Variants in WFDC1 observed in about 807,000 individuals in gnomAD.
WFDC1 encodes the protein WAP four-disulfide core domain protein 1.
A neutral mutation model predicts 32.9 loss-of-function variants in WFDC1; 39 were observed. The observed-to-expected ratio is 1.19, with a 90% confidence interval of 0.92 to 1.55. The LOEUF is 1.55. Among genes scored for constraint, WFDC1 ranks in the 40% most tolerant of loss-of-function variants. The pLI is 0.00. For synonymous variants in WFDC1, 184 were observed against 137.4 expected (o/e 1.34, Z -2.37); for missense variants, 386 against 309.5 (o/e 1.25, Z -1.85).
intron 1 of WFDC1, among the ~76,000 whole-genome samples, chr16:84,301,981 A>G (rs775639225): frequency 2.6e-4 from 39 of 152,190 alleles, no homozygotes; most frequent in Non-Finnish European, 5.0e-4. Flanking sequence ...GCAGAGGCAG[A>G]TGGATGCCCA....
chr16:84,325,131 C>A (rs1438304379), intron 5 of WFDC1, among the ~76,000 whole-genome samples: 10 of 152,130 alleles, frequency 6.6e-5, no homozygotes, highest in African/African-American at 2.4e-4. Context: ...ACCTATTCAC[C>A]AATCATCCAT....
intron 5 of WFDC1, among the ~76,000 whole-genome samples, chr16:84,325,093 CTCCA>C (rs1369778296): frequency 6.6e-6 from 1 of 151,802 alleles, no homozygotes; most frequent in Admixed American, 6.6e-5. Flanking sequence ...TCCTTCATCC[CTCCA>C]TCCATCCATC....
intron 4 of WFDC1, among the ~76,000 whole-genome samples, chr16:84,322,097 C>T (rs1454989392): frequency 6.6e-6 from 1 of 151,608 alleles, no homozygotes; most frequent in East Asian, 1.9e-4. Flanking sequence ...CCAAAAGATG[C>T]AGAGCTGGAA....
At position 84,295,047 on chromosome 16, in the gene WFDC1, C is replaced by T. The variant is rs779195118; in HGVS notation, c.76C>T (p.Leu26Phe). ...IRALCLLLLL[L>F]HAGSAKNIWK... ...GGCTCTGTGCCTCTTGCTACTTCTC[C>T]TCCACGCCGGCTCTGCCAAGAATAT... The change falls in exon 1 of 7, where the codon CTC becomes TTC. Residue 26 changes from leucine (L) to phenylalanine (F), a missense_variant. Transcript: ENST00000219454. 12 of 1,614,226 alleles carry T rather than the reference C, an allele frequency of 7.4e-6. 1 individual carries two copies. The South Asian group carries it at 8.8e-5, about 12-fold the overall frequency.
In WFDC1 at chr16:84,313,173, G is replaced by C; in HGVS notation, c.337+20G>C. On this transcript the variant is annotated intron_variant, in intron 2 of 6. Coordinates refer to ENST00000219454, the MANE Select transcript of WFDC1 (RefSeq NM_021197.4). ...CGCCAGGTAGGTCCTGGGCCCGAGG[G>C]AGGGGGCTGAGGGAGGAGGACAGGT... 2 of 1,400,740 alleles carry C rather than the reference G, an allele frequency of 1.4e-6. No individual in the cohort carries two copies. Among genetic ancestry groups the C allele is most frequent in the Non-Finnish European group, 1.8e-6 (2 of 1,085,190 alleles). The allele number at this position is 1,400,740 out of a possible 1,614,324, so 86.8% of individuals were successfully genotyped here.
chr16:84,328,587 GGAA>G (rs1333316980), intron 6 of WFDC1: 1 of 152,318 alleles, frequency 6.6e-6, no homozygotes, highest in Non-Finnish European at 1.5e-5. Context: ...CTTCTAACAG[GGAA>G]GAAGGAGGCC....
intron 1 of WFDC1, among the ~76,000 whole-genome samples, chr16:84,312,048 C>G (rs1056770159): frequency 3.3e-5 from 5 of 151,902 alleles, no homozygotes; most frequent in African/African-American, 1.2e-4. Flanking sequence ...GCCTCTAATC[C>G]CAGCTACTCG....
At chr16:84,327,094 C>T in intron 6 of WFDC1, 139 bp downstream of exon 6, 1 of 788,242 alleles carries the variant, frequency 1.3e-6, no homozygotes, top group South Asian at 1.6e-5. Flanking sequence ...TTCCCTTCTG[C>T]AGTAAGTCCT....
rs1291555542 is a variant in WFDC1, at chr16:84,319,519, G to A, written c.510G>A (p.Val170=). The A allele has an allele frequency of 1.2e-6, 2 of 1,613,050 alleles. No homozygotes were observed. The highest frequency in any genetic ancestry group is 2.2e-5 in the South Asian group (2 of 91,076). Residue 170 remains valine, a synonymous_variant, in exon 4 of 7, where the codon GTG becomes GTA. Coordinates refer to ENST00000219454, the MANE Select transcript of WFDC1 (RefSeq NM_021197.4). The stretch of plus-strand genomic sequence containing the variant: ...GCCACATCCTGAGCCCAGGTGACGT[G>A]GCCGAAGGTATCCCCAACCGTGGGC... ...YECHILSPGD[V]AEGIPNRGQC...
intron 2 of WFDC1, among the ~76,000 whole-genome samples, chr16:84,313,792 G>C (rs972516323): frequency 6.6e-6 from 1 of 152,196 alleles, no homozygotes; most frequent in South Asian, 2.1e-4. Context: ...TCACTTTCTT[G>C]AGTCTCCTCT....
At chr16:84,324,223 G>A (rs1355883572) in intron 4 of WFDC1, among the ~76,000 whole-genome samples, 196 bp from the exon 5 acceptor site, 1 of 152,182 alleles carries the variant, frequency 6.6e-6, no homozygotes, top group East Asian at 1.9e-4. Flanking sequence ...TTTATGGGTT[G>A]ATGGCTCTGG....
chr16:84,327,073 A>G, intron 6 of WFDC1, 118 bp downstream of exon 6: 2 of 963,144 alleles, frequency 2.1e-6, no homozygotes, highest in South Asian at 2.9e-5. Flanking sequence ...CCCTACTGGT[A>G]GAATTTGAAA....
chr16:84,323,324 C>T (rs1000943226), intron 4 of WFDC1, among the ~76,000 whole-genome samples: 1 of 152,186 alleles, frequency 6.6e-6, no homozygotes, highest in African/African-American at 2.4e-5. Flanking sequence ...CTTGATTAAC[C>T]TTATAGCAGA....
intron 1 of WFDC1, among the ~76,000 whole-genome samples, chr16:84,302,639 T>A (rs1051857167): frequency 3.3e-5 from 5 of 152,196 alleles, no homozygotes; most frequent in African/African-American, 1.2e-4. Flanking sequence ...TTCTTAGCAT[T>A]TAGCTCTGTT....
chr16:84,328,843 T>C (rs1908755681), intron 6 of WFDC1: 1 of 152,040 alleles, frequency 6.6e-6, no homozygotes, highest in Non-Finnish European at 1.5e-5. Flanking sequence ...TCCCAGCTAC[T>C]TGGGAGGCTG....
intron 2 of WFDC1, among the ~76,000 whole-genome samples, chr16:84,314,274 G>A (rs890342163): frequency 1.3e-4 from 20 of 152,250 alleles, no homozygotes; most frequent in African/African-American, 4.8e-4. Context: ...TGACCCCGTC[G>A]GGGACAGTAA....
intron 1 of WFDC1, among the ~76,000 whole-genome samples, chr16:84,302,285 T>C (rs1906987749): frequency 6.6e-6 from 1 of 152,180 alleles, no homozygotes; most frequent in Non-Finnish European, 1.5e-5. Flanking sequence ...AAATAGATCA[T>C]GGAGGTGGTT....
At chr16:84,303,844 C>G (rs990483259) in intron 1 of WFDC1, among the ~76,000 whole-genome samples, 9 of 152,236 alleles carry the variant, frequency 5.9e-5, no homozygotes, top group African/African-American at 2.2e-4. Context: ...TTCCCGCAGC[C>G]TCTGGCAACT....
Position 84,326,962 on chromosome 16 carries a change from G to T in WFDC1, c.*15+7G>T. On this transcript the variant is annotated splice_region_variant and intron_variant, in intron 6 of 6. Transcript: ENST00000219454. ...GTAAAGCAACGGCAAGCAGGTGAGT[G>T]GGCAGAGAGCAAGAGTCATGGCCAG... 6.2e-7 allele frequency: 1 copy of T among 1,613,970 alleles called. No homozygotes were observed. Among genetic ancestry groups the T allele is most frequent in the Non-Finnish European group, 8.5e-7 (1 of 1,179,916 alleles).
Sources: gnomAD v4.1 joint callset for allele counts (sites outside exome capture counted in the v4.1 genomes callset) on GRCh38, gnomAD v4.1.1 for gene constraint, MANE v1.5 for transcripts, NCBI Gene and HGNC (gene_info 2026-07-23, HGNC 2026-07-21) for gene names.